The following JAK2 variants were observed in gnomAD, a reference collection of about 807,000 sequenced individuals.
JAK2 encodes tyrosine-protein kinase JAK2.
A neutral mutation model predicts 139.3 loss-of-function variants in JAK2; 86 were observed. That is an observed-to-expected ratio of 0.62 (90% CI 0.52 to 0.74). The LOEUF (loss-of-function observed/expected upper bound fraction) is 0.74. Ranked by LOEUF, JAK2 falls within the 30% of genes least tolerant of loss-of-function variation. The pLI, the probability that JAK2 is intolerant of heterozygous loss-of-function variation, is 0.00. For synonymous variants in JAK2, 490 were observed against 437.7 expected (o/e 1.12, Z -1.49); for missense variants, 1,421 against 1,360.3 (o/e 1.04, Z -0.70).
In JAK2 at chr9:5,102,377, A is replaced by G. The variant is rs958567893; in HGVS notation, c.3059+11466A>G. On this transcript the variant is annotated intron_variant, in intron 22 of 24. Coordinates refer to ENST00000381652, the MANE Select transcript of JAK2 (RefSeq NM_004972.4). ...AAAGCAACAAGATAAAGCCTACAAG[A>G]AATACAGGACTATGTGAAAAGACCA... Among the ~76,000 whole-genome samples the G allele has an allele frequency of 1.2e-4, 18 of 152,354 alleles. 1 individual carries two copies. The highest frequency in any genetic ancestry group is 4.1e-4 in the African/African-American group (17 of 41,578).
chr9:5,085,349 T>C, intron 19 of JAK2: 1 of 896,132 alleles, frequency 1.1e-6, no homozygotes, highest in Non-Finnish European at 1.9e-6. Context: ...CCTACATTTT[T>C]TCCGTACTGA....
intron 12 of JAK2, among the ~76,000 whole-genome samples, chr9:5,072,147 T>C (rs950441777): frequency 1.3e-5 from 2 of 152,192 alleles, no homozygotes; most frequent in Admixed American, 1.3e-4. Context: ...CCACATTCTC[T>C]AGTGTGCTAG....
At chr9:5,001,740 C>G (rs1820939943) in intron 2 of JAK2, among the ~76,000 whole-genome samples, 1 of 151,676 alleles carries the variant, frequency 6.6e-6, no homozygotes, top group Non-Finnish European at 1.5e-5. Context: ...AGAGTTTATA[C>G]AGAATTGGTA....
At chr9:5,083,265 C>T (rs1819841717) in intron 19 of JAK2, among the ~76,000 whole-genome samples, 1 of 152,160 alleles carries the variant, frequency 6.6e-6, no homozygotes, top group Admixed American at 6.5e-5. Flanking sequence ...AGCAGAGACT[C>T]TGTCTATTAA....
intron 2 of JAK2, among the ~76,000 whole-genome samples, chr9:5,012,235 T>C: frequency 6.6e-6 from 1 of 152,306 alleles, no homozygotes; most frequent in African/African-American, 2.4e-5. Flanking sequence ...AGACTGTGTA[T>C]GTAGTTGTCT....
Position 5,078,399 on chromosome 9 carries a change from A to C in JAK2, c.2086A>C (p.Lys696Gln), listed in dbSNP as rs1460930373. The C allele has an allele frequency of 5.6e-6, 9 of 1,613,230 alleles. No homozygotes were observed. Among genetic ancestry groups the C allele is most frequent in the Non-Finnish European group, 7.6e-6 (9 of 1,179,412 alleles). The change falls in exon 16 of 25, where the codon AAA (lysine) becomes CAA (glutamine). Residue 696 changes from lysine to glutamine, a missense_variant. By Grantham distance (53) the Lys-to-Gln change is moderately conservative. Coordinates refer to ENST00000381652, the MANE Select transcript of JAK2 (RefSeq NM_004972.4). ...DRKTGNPPFI[K>Q]LSDPGISITV... ...GAAGACAGGAAATCCTCCTTTCATC[A>C]AACTTAGTGATCCTGGCATTAGTAT... is the stretch of plus-strand genomic sequence containing the variant.
chr9:5,099,724 A>G (rs1032492516), intron 22 of JAK2: 1 of 152,194 alleles, frequency 6.6e-6, no homozygotes, highest in Non-Finnish European at 1.5e-5. Flanking sequence ...ACTAAAACAG[A>G]TAATAATTAC....
chr9:5,074,193 G>T (rs1032979835), intron 14 of JAK2, among the ~76,000 whole-genome samples: 4 of 152,032 alleles, frequency 2.6e-5, no homozygotes, highest in African/African-American at 9.7e-5. Flanking sequence ...TGATTATGTT[G>T]ATATGATACT....
At chr9:5,042,335 C>A (rs570943928) in intron 4 of JAK2, among the ~76,000 whole-genome samples, 2 of 151,242 alleles carry the variant, frequency 1.3e-5, no homozygotes, top group South Asian at 4.2e-4. Flanking sequence ...GACGGGGTTT[C>A]ACCTTGTTAG....
At chr9:5,112,132 A>G in intron 22 of JAK2, 1 of 314,194 alleles carries the variant, frequency 3.2e-6, no homozygotes, top group Non-Finnish European at 6.4e-6. Context: ...CAGCCACGCC[A>G]TGGGCACGGC....
chr9:5,040,533 A>G (rs1016679301), intron 4 of JAK2, among the ~76,000 whole-genome samples: 2 of 152,264 alleles, frequency 1.3e-5, no homozygotes, highest in African/African-American at 4.8e-5. Context: ...AATGGGTTCC[A>G]CAAAATGGAA....
intron 22 of JAK2, chr9:5,111,114 CTTTGACCCCA>C (rs1181469519): frequency 1.3e-5 from 16 of 1,216,020 alleles, no homozygotes; most frequent in Non-Finnish European, 1.6e-5. Context: ...ACAGCTCCTC[CTTTGACCCCA>C]GCTGGACGTT....
Position 5,089,757 on chromosome 9 carries a change from G to A in JAK2, c.2655G>A (p.Gln885=). The change falls in exon 20 of 25, where the codon CAG becomes CAA. Residue 885 remains glutamine, a synonymous_variant. Coordinates refer to ENST00000381652, the MANE Select transcript of JAK2 (RefSeq NM_004972.4). The part of the protein sequence containing the change: ...TGEVVAVKKL[Q]HSTEEHLRDF... The stretch of plus-strand genomic sequence containing the variant: ...AGGTGGTCGCTGTAAAAAAGCTTCA[G>A]CATAGTACTGAAGAGCACCTAAGAG... 1.3e-6 allele frequency: 2 copies of A among 1,592,922 alleles called. No individual in the cohort carries two copies. Among genetic ancestry groups the A allele is most frequent in the East Asian group, 2.3e-5 (1 of 42,800 alleles).
intron 22 of JAK2, chr9:5,099,568 G>A (rs534053301): frequency 3.3e-5 from 5 of 152,154 alleles, no homozygotes; most frequent in African/African-American, 9.6e-5. Context: ...TAAAATGAAC[G>A]AAATCTATTC....
At chr9:5,042,068 C>G in intron 4 of JAK2, 1 of 217,038 alleles carries the variant, frequency 4.6e-6, no homozygotes, top group South Asian at 6.4e-5. Context: ...TCTTGGCCGG[C>G]GGCCCCATCC....
chr9:5,116,330 C>G (rs1823171709), intron 22 of JAK2, among the ~76,000 whole-genome samples: 1 of 152,224 alleles, frequency 6.6e-6, no homozygotes, highest in African/African-American at 2.4e-5. Context: ...ATTAATTGTT[C>G]TCTAATTTGG....
Position 5,055,660 on chromosome 9 carries a change from T to A in JAK2, c.937-9T>A. ...ACCCGTTTTTAATTTTACATGCTTT[T>A]AATTATAGGATTTACAGTTATATTG... On this transcript the variant is annotated splice_polypyrimidine_tract_variant and intron_variant, in intron 7 of 24. Transcript: ENST00000381652. 6.5e-7 allele frequency: 1 copy of A among 1,547,610 alleles called. No individual in the cohort carries two copies. Among genetic ancestry groups the A allele is most frequent in the Non-Finnish European group, 8.9e-7 (1 of 1,129,466 alleles).
At chr9:5,121,446 A>AG (rs1405005001) in intron 22 of JAK2, among the ~76,000 whole-genome samples, 1 of 152,198 alleles carries the variant, frequency 6.6e-6, no homozygotes, top group African/African-American at 2.4e-5. Context: ...CTTTATACAA[A>AG]GGAAAATACA....
Position 5,069,995 on chromosome 9 carries a change from G to A in JAK2, c.1584G>A (p.Arg528=). The change falls in exon 12 of 25, where the codon AGG becomes AGA. Residue 528 remains arginine (R), a synonymous_variant. Transcript: ENST00000381652. The part of the protein sequence containing the change: ...SDVPTSPTLQ[R]PTHMNQMVFH... ...TACCAACCTCACCAACATTACAGAG[G>A]CCTACTCATATGAACCAAATGGTGT... 6.2e-7 allele frequency: 1 copy of A among 1,608,150 alleles called. No homozygotes were observed. Among genetic ancestry groups the A allele is most frequent in the Non-Finnish European group, 8.5e-7 (1 of 1,175,874 alleles).
Sources: gnomAD v4.1 joint callset for allele counts (sites outside exome capture counted in the v4.1 genomes callset) on GRCh38, gnomAD v4.1.1 for gene constraint, MANE v1.5 for transcripts, NCBI Gene and HGNC (gene_info 2026-07-23, HGNC 2026-07-21) for gene names.